Variants in PRKCE observed in about 807,000 individuals in gnomAD.
The protein encoded by PRKCE is protein kinase C epsilon type.
In PRKCE, 16 loss-of-function variants were observed where a neutral mutation model predicts 85.4. The observed-to-expected ratio is 0.19, with a 90% confidence interval of 0.13 to 0.28. The LOEUF (loss-of-function observed/expected upper bound fraction) is 0.28, where lower values mean the gene tolerates loss of function less well. Ranked by LOEUF, PRKCE falls within the 10% of genes least tolerant of loss-of-function variation. The pLI, the probability that PRKCE is intolerant of heterozygous loss-of-function variation, is 1.00. For synonymous variants in PRKCE, 388 were observed against 371.5 expected, an observed-to-expected ratio of 1.04 and a Z score of -0.51; for missense variants, 573 against 975.2, an observed-to-expected ratio of 0.59 and a Z score of 5.49.
At chr2:45,949,423 G>GTTTTTTTTTTTTTTTTTTTTTTTT (rs1178525912) in intron 2 of PRKCE, among the ~76,000 whole-genome samples, 1 of 52,862 alleles carries the variant, frequency 1.9e-5, no homozygotes, top group African/African-American at 8.3e-5. Flanking sequence ...TTTTTTGATT[G>GTTTTTTTTTTTTTTTTTTTTTTTT]TTGTTTTTTT....
intron 10 of PRKCE, among the ~76,000 whole-genome samples, chr2:46,070,739 G>A (rs1222012551): frequency 6.6e-6 from 1 of 152,168 alleles, no homozygotes; most frequent in African/African-American, 2.4e-5. Context: ...AAGAGCCCCT[G>A]GCTTTGGGAC....
intron 1 of PRKCE, among the ~76,000 whole-genome samples, chr2:45,830,351 A>C (rs1690320504): frequency 6.6e-6 from 1 of 152,184 alleles, no homozygotes; most frequent in South Asian, 2.1e-4. Flanking sequence ...CCTGTACATG[A>C]GAAAGGCATT....
At chr2:45,938,747 T>G (rs1387585838) in intron 2 of PRKCE, among the ~76,000 whole-genome samples, 1 of 152,206 alleles carries the variant, frequency 6.6e-6, no homozygotes, top group Non-Finnish European at 1.5e-5. Flanking sequence ...GCAAGTTTGC[T>G]TAAATTGAGA....
intron 1 of PRKCE, among the ~76,000 whole-genome samples, chr2:45,656,748 T>A (rs1675396617): frequency 6.6e-6 from 1 of 152,242 alleles, no homozygotes; most frequent in African/African-American, 2.4e-5. Flanking sequence ...TTTAACCAGC[T>A]GTCCCAGAGA....
intron 1 of PRKCE, among the ~76,000 whole-genome samples, chr2:45,679,887 A>T (rs1446056663): frequency 6.6e-6 from 1 of 152,242 alleles, no homozygotes; most frequent in African/African-American, 2.4e-5. Flanking sequence ...ATGAAGGTGA[A>T]GTCCTTGTAG....
chr2:45,932,873 G>A (rs1013798264), intron 2 of PRKCE, among the ~76,000 whole-genome samples: 2 of 152,256 alleles, frequency 1.3e-5, no homozygotes, highest in Middle Eastern at 3.4e-3. Context: ...AAGTGGAATT[G>A]GGCAGTATTT....
chr2:45,976,687 G>T, intron 3 of PRKCE, 99 bp downstream of exon 3: 8 of 1,383,000 alleles, frequency 5.8e-6, no homozygotes, highest in Non-Finnish European at 7.9e-6. Flanking sequence ...AAGAATGCTG[G>T]TGTGCCTCGT....
intron 12 of PRKCE, among the ~76,000 whole-genome samples, chr2:46,147,868 C>T (rs79298080): frequency 6.6e-6 from 1 of 152,198 alleles, no homozygotes; most frequent in Non-Finnish European, 1.5e-5. Flanking sequence ...CATTTGATGA[C>T]TTGATGAAGT....
intron 2 of PRKCE, among the ~76,000 whole-genome samples, chr2:45,855,997 C>T (rs1287961038): frequency 1.3e-5 from 2 of 152,044 alleles, no homozygotes; most frequent in Non-Finnish European, 2.9e-5. Context: ...GCGAACCCTC[C>T]CTTCCCTCAA....
chr2:45,978,964 T>C lies in PRKCE; in HGVS notation c.573-12T>C. The C allele has an allele frequency of 6.3e-7, 1 of 1,598,102 alleles. No homozygotes were observed. Reference sequence around the variant, plus strand: ...TTCACTTTTTTTAAAAAAATGTTATTCTTCTTTTCAGGGGTGTCATAGGAA... The same window carrying C: ...TTCACTTTTTTTAAAAAAATGTTATCCTTCTTTTCAGGGGTGTCATAGGAA... On this transcript the variant is annotated splice_polypyrimidine_tract_variant and intron_variant, in intron 3 of 14. Transcript: ENST00000306156.
intron 1 of PRKCE, among the ~76,000 whole-genome samples, chr2:45,723,415 C>G (rs7563790): frequency 4.3e-4 from 66 of 152,160 alleles, no homozygotes; most frequent in African/African-American, 1.5e-3. Flanking sequence ...ATTTTCAACA[C>G]AGATGTGCTT....
At position 46,171,265 on chromosome 2, in the gene PRKCE, A is replaced by C. The variant is rs528893558; in HGVS notation, c.2067+11513A>C. Among the ~76,000 whole-genome samples the C allele has an allele frequency of 1.4e-4, 21 of 152,318 alleles. No individual in the cohort carries two copies. The South Asian group carries it at 4.4e-3, about 32-fold the overall frequency. ...CCTGGATAGCCACACAGCATTTTCT[A>C]CATCGTGTTCTGTCCCAGGCATCTC... On this transcript the variant is annotated intron_variant, in intron 14 of 14. Coordinates refer to ENST00000306156, the MANE Select transcript of PRKCE (RefSeq NM_005400.3).
chr2:45,664,591 T>G (rs898178210), intron 1 of PRKCE, among the ~76,000 whole-genome samples: 4 of 152,186 alleles, frequency 2.6e-5, no homozygotes, highest in African/African-American at 9.7e-5. Context: ...ATATTCCAAG[T>G]GTACAGAACT....
chr2:45,930,142 C>G (rs1220664232), intron 2 of PRKCE, among the ~76,000 whole-genome samples: 1 of 152,172 alleles, frequency 6.6e-6, no homozygotes, highest in Admixed American at 6.5e-5. Context: ...GCTCAGTCAC[C>G]TGATTACTGT....
intron 14 of PRKCE, chr2:46,166,924 G>A (rs886308522): frequency 1.3e-5 from 2 of 152,192 alleles, no homozygotes; most frequent in Admixed American, 6.5e-5. Context: ...TCAGGAGGTT[G>A]AGGCTGTAGT....
At chr2:45,963,382 C>T (rs1324240674) in intron 2 of PRKCE, among the ~76,000 whole-genome samples, 1 of 152,098 alleles carries the variant, frequency 6.6e-6, no homozygotes, top group Non-Finnish European at 1.5e-5. Context: ...GATCTCGGCT[C>T]ACTGCAACCT....
intron 2 of PRKCE, among the ~76,000 whole-genome samples, chr2:45,946,743 C>T (rs578009921): frequency 1.4e-4 from 22 of 152,162 alleles, no homozygotes; most frequent in Non-Finnish European, 2.6e-4. Context: ...CCTGCCTGCC[C>T]CATGGGATTT....
intron 2 of PRKCE, among the ~76,000 whole-genome samples, chr2:45,878,597 T>C (rs1015529562): frequency 1.3e-5 from 2 of 152,232 alleles, no homozygotes; most frequent in African/African-American, 4.8e-5. Context: ...CTTGTCTGTA[T>C]TTTACTGCGT....
intron 2 of PRKCE, among the ~76,000 whole-genome samples, chr2:45,955,938 C>G (rs1464521784): frequency 6.6e-6 from 1 of 152,204 alleles, no homozygotes; most frequent in East Asian, 1.9e-4. Flanking sequence ...CCCAAATTCT[C>G]CCGTTATCTT....
Sources: allele counts gnomAD v4.1 joint callset (sites outside exome capture counted in the v4.1 genomes callset), GRCh38; gene constraint gnomAD v4.1.1; transcripts MANE v1.5; gene names NCBI Gene and HGNC (gene_info 2026-07-23, HGNC 2026-07-21).